UNC5C: variants seen among roughly 807,000 people sequenced by gnomAD.
UNC5C encodes the protein unc-5 netrin receptor C, also known as netrin receptor UNC5C.
Under a neutral mutation model 99.8 loss-of-function variants are expected in UNC5C, and 47 were observed. The observed-to-expected ratio is 0.47, with a 90% CI of 0.37 to 0.60. The LOEUF is 0.60. Ranked by LOEUF, UNC5C falls within the 20% of genes least tolerant of loss-of-function variation. The pLI is 0.00. For missense variants in UNC5C, 1,062 were observed against 1,165.9 expected, an observed-to-expected ratio of 0.91 and a Z score of 1.30; for synonymous variants, 487 against 452.2, an observed-to-expected ratio of 1.08 and a Z score of -0.98.
intron 2 of UNC5C, among the ~76,000 whole-genome samples, chr4:95,327,740 C>T (rs921089703): frequency 2.0e-5 from 3 of 152,050 alleles, no homozygotes; most frequent in Non-Finnish European, 2.9e-5. Context: ...CGCAGATGGC[C>T]GGGCTTCACA....
chr4:95,216,634 C>T (rs1253081519), intron 9 of UNC5C, among the ~76,000 whole-genome samples: 5 of 151,812 alleles, frequency 3.3e-5, no homozygotes, highest in African/African-American at 4.8e-5. Context: ...TTTAAATATC[C>T]GGTTAGCATC....
chr4:95,270,370 T>TA (rs1230300977), intron 4 of UNC5C, among the ~76,000 whole-genome samples: 3 of 152,058 alleles, frequency 2.0e-5, no homozygotes, highest in African/African-American at 4.8e-5. Flanking sequence ...TTTTGTGCTT[T>TA]AAAAAAAATG....
chr4:95,410,874 A>C (rs77540927), intron 1 of UNC5C, among the ~76,000 whole-genome samples: 3,322 of 152,194 alleles, frequency 0.022, 129 homozygotes, highest in African/African-American at 0.075. Flanking sequence ...AGGGTTGACA[A>C]ATGTGAGATC....
At chr4:95,335,937 C>A (rs1183184166) in intron 1 of UNC5C, among the ~76,000 whole-genome samples, 2 of 151,732 alleles carry the variant, frequency 1.3e-5, no homozygotes, top group African/African-American at 4.8e-5. Context: ...CATGATCTTC[C>A]CAATGTATCA....
At chr4:95,272,759 G>A (rs894575539) in intron 4 of UNC5C, among the ~76,000 whole-genome samples, 2 of 152,098 alleles carry the variant, frequency 1.3e-5, no homozygotes, top group Non-Finnish European at 2.9e-5. Context: ...GTAATTACTG[G>A]GCACTGAAAG....
intron 2 of UNC5C, among the ~76,000 whole-genome samples, chr4:95,314,598 TA>T (rs1742401808): frequency 1.3e-5 from 2 of 152,194 alleles, no homozygotes; most frequent in Non-Finnish European, 2.9e-5. Flanking sequence ...TTGGACAGAA[TA>T]AGCTAACATC....
intron 2 of UNC5C, among the ~76,000 whole-genome samples, chr4:95,308,664 A>C (rs1213018919): frequency 2.1e-5 from 3 of 142,782 alleles, no homozygotes; most frequent in Non-Finnish European, 3.0e-5. Context: ...GAGGCAGAGA[A>C]TTGCTTGAAC....
In UNC5C at chr4:95,230,879, G is replaced by A. The variant is rs1302595854; in HGVS notation, c.1109-10703C>T. ...CCTCAGTTTCTTCCTTTGTAAAAGA[G>A]AACTATTGTTAGGGGATTAACAAAA... On this transcript the variant is annotated intron_variant, in intron 7 of 15. Coordinates refer to ENST00000453304, the MANE Select transcript of UNC5C (RefSeq NM_003728.4). Among the ~76,000 whole-genome samples, 3 of 152,128 alleles carry A rather than the reference G, an allele frequency of 2.0e-5. No individual in the cohort carries two copies. In the East Asian group the frequency reaches 5.8e-4, roughly 29 times the overall value.
At chr4:95,491,501 A>T (rs975052371) in intron 1 of UNC5C, among the ~76,000 whole-genome samples, 19 of 151,608 alleles carry the variant, frequency 1.3e-4, no homozygotes, top group African/African-American at 4.6e-4. Context: ...TGGATAATTC[A>T]TTCTGCTTAC....
At chr4:95,378,372 T>C (rs1744958858) in intron 1 of UNC5C, among the ~76,000 whole-genome samples, 1 of 143,642 alleles carries the variant, frequency 7.0e-6, no homozygotes, top group Admixed American at 7.2e-5. Context: ...TCAGGCTAGG[T>C]TGAAGTACTG....
chr4:95,521,176 G>A (rs529085839), intron 1 of UNC5C, among the ~76,000 whole-genome samples: 3 of 151,280 alleles, frequency 2.0e-5, no homozygotes, highest in Admixed American at 2.0e-4. Context: ...TACAGAAAGA[G>A]AGATCTAGTG....
intron 1 of UNC5C, among the ~76,000 whole-genome samples, chr4:95,522,965 C>T (rs79936125): frequency 0.019 from 1,178 of 63,390 alleles, 14 homozygotes; most frequent in African/African-American, 0.032. Flanking sequence ...TAGAAAATTA[C>T]AGTGTGTTTC....
At chr4:95,536,199 C>T (rs1722779786) in intron 1 of UNC5C, among the ~76,000 whole-genome samples, 1 of 151,780 alleles carries the variant, frequency 6.6e-6, no homozygotes, top group Non-Finnish European at 1.5e-5. Flanking sequence ...CCTCAGCTTC[C>T]CAAGTAGCTG....
intron 1 of UNC5C, among the ~76,000 whole-genome samples, chr4:95,459,558 G>A (rs1222567636): frequency 2.0e-5 from 3 of 152,214 alleles, no homozygotes; most frequent in East Asian, 1.9e-4. Context: ...TGCAATCAAT[G>A]TATACAATAG....
intron 10 of UNC5C, among the ~76,000 whole-genome samples, chr4:95,211,992 A>G (rs1460228258): frequency 6.6e-6 from 1 of 152,196 alleles, no homozygotes; most frequent in African/African-American, 2.4e-5. Context: ...GACTCTACTA[A>G]AAGGAGAAAG....
chr4:95,456,461 C>G (rs187124925), intron 1 of UNC5C, among the ~76,000 whole-genome samples: 1 of 152,158 alleles, frequency 6.6e-6, no homozygotes, highest in Non-Finnish European at 1.5e-5. Context: ...CTGACTGTGT[C>G]ATTAGAACCT....
chr4:95,366,826 A>C (rs952157996), intron 1 of UNC5C, among the ~76,000 whole-genome samples: 6 of 152,198 alleles, frequency 3.9e-5, no homozygotes, highest in African/African-American at 1.2e-4. Flanking sequence ...TTCAAAAGAA[A>C]AATAACTTTT....
In UNC5C at chr4:95,328,309, T is replaced by C. The variant is rs868423493; in HGVS notation, c.346+7101A>G. On this transcript the variant is annotated intron_variant, in intron 2 of 15. Transcript: ENST00000453304. ...CAATTCCCACCTATGCGTGAGAATA[T>C]GCGGTGTTTGGTTTTTTGCTCTTGC... Among the ~76,000 whole-genome samples, 58 of 93,730 alleles carry C rather than the reference T, an allele frequency of 6.2e-4. 2 individuals are homozygous for C. The highest frequency in any genetic ancestry group is 6.9e-4 in the Admixed American group (5 of 7,198). 61.5% of individuals were successfully genotyped at this position (93,730 alleles called of 152,430 possible).
At chr4:95,205,012 C>T (rs539589453) in intron 11 of UNC5C, among the ~76,000 whole-genome samples, 1 of 152,044 alleles carries the variant, frequency 6.6e-6, no homozygotes, top group African/African-American at 2.4e-5. Flanking sequence ...TCCCAAAGGA[C>T]ACCTGGAAAG....
Sources: allele counts gnomAD v4.1 joint callset (sites outside exome capture counted in the v4.1 genomes callset), GRCh38; gene constraint gnomAD v4.1.1; transcripts MANE v1.5; gene names NCBI Gene and HGNC (gene_info 2026-07-23, HGNC 2026-07-21).